The following PLEKHD1 variants were observed in gnomAD, a reference collection of about 807,000 sequenced individuals.
The protein encoded by PLEKHD1 is pleckstrin homology and coiled-coil domain containing D1.
PLEKHD1 carries 51 observed loss-of-function variants against 69.2 expected under a neutral mutation model. The ratio of observed to expected loss-of-function variants is 0.74; its 90% CI spans 0.59 to 0.93. The LOEUF is 0.93. Among genes scored for constraint, PLEKHD1 ranks in the 40% least tolerant of loss-of-function variants. PLEKHD1 has a pLI of 0.00. For missense variants in PLEKHD1, 584 were observed against 641.0 expected (o/e 0.91, Z 0.96); for synonymous variants, 236 against 244.7 (o/e 0.96, Z 0.33).
Position 69,528,667 on chromosome 14 carries a change from G to C in PLEKHD1, c.*248G>C. 1 of 554,758 alleles carries C rather than the reference G, an allele frequency of 1.8e-6. No individual in the cohort carries two copies. Among genetic ancestry groups the C allele is most frequent in the Non-Finnish European group, 3.2e-6 (1 of 313,160 alleles). 34.4% of individuals were successfully genotyped at this position (554,758 alleles called of 1,614,324 possible). On this transcript the variant is annotated 3_prime_UTR_variant, in exon 13 of 13. Coordinates refer to ENST00000322564, the MANE Select transcript of PLEKHD1 (RefSeq NM_001161498.2). ...CCATGCAGGCCTGAGCTGGGTGCTG[G>C]TTGTCATGGTGAGGTGAGGACAGGA...
the PLEKHD1 span, among the ~76,000 whole-genome samples, chr14:69,479,502 T>A: frequency 6.6e-6 from 1 of 151,962 alleles, no homozygotes; most frequent in Non-Finnish European, 1.5e-5. Flanking sequence ...TATTGCACAG[T>A]CCTAGTGAGA....
upstream of PLEKHD1, among the ~76,000 whole-genome samples, chr14:69,481,934 G>T (rs976142727): frequency 6.6e-6 from 1 of 152,152 alleles, no homozygotes; most frequent in Admixed American, 6.5e-5. Context: ...ACTCAGCCAG[G>T]ATTTCAGCAC....
At chr14:69,474,565 T>A in the PLEKHD1 span, among the ~76,000 whole-genome samples, 1 of 152,236 alleles carries the variant, frequency 6.6e-6, no homozygotes, top group Non-Finnish European at 1.5e-5. Context: ...TTGTATTAAT[T>A]TATGGCTTAT....
At chr14:69,502,917 T>C (rs1475568147) in intron 6 of PLEKHD1, 38 bp downstream of exon 6, 13 of 1,549,634 alleles carry the variant, frequency 8.4e-6, no homozygotes, top group Non-Finnish European at 1.0e-5. Flanking sequence ...AGCCGTGGTG[T>C]AATGGCTCAC....
At chr14:69,496,988 C>T (rs1011659182) in intron 1 of PLEKHD1, among the ~76,000 whole-genome samples, 25 of 152,182 alleles carry the variant, frequency 1.6e-4, no homozygotes, top group African/African-American at 5.3e-4. Context: ...AACATATGAA[C>T]GTTGAGGAGA....
rs1422705445 is a variant in PLEKHD1, at chr14:69,501,714, C to A, written c.411-20C>A. 6.5e-7 allele frequency: 1 copy of A among 1,527,356 alleles called. No homozygotes were observed. Among genetic ancestry groups the A allele is most frequent in the Non-Finnish European group, 8.9e-7 (1 of 1,126,458 alleles). The allele number at this position is 1,527,356 out of a possible 1,614,324, so 94.6% of individuals were successfully genotyped here. Reference sequence around the variant, plus strand: ...TTTCTTCCTCTTCTCTCCTCTGTCCCATCTGCCCTCCCTCCCCAGGACCTG... The same window carrying A: ...TTTCTTCCTCTTCTCTCCTCTGTCCAATCTGCCCTCCCTCCCCAGGACCTG... On this transcript the variant is annotated intron_variant, in intron 4 of 12. Transcript: ENST00000322564.
At chr14:69,526,425 A>C (rs1048887159) in intron 9 of PLEKHD1, among the ~76,000 whole-genome samples, 1 of 152,106 alleles carries the variant, frequency 6.6e-6, no homozygotes, top group Non-Finnish European at 1.5e-5. Context: ...GAGGAAATGG[A>C]GCCTCAGGGG....
rs559362410 is a variant in PLEKHD1 at position 69,525,498 on chromosome 14, T to A, written c.745-446T>A. Among the ~76,000 whole-genome samples the A allele has an allele frequency of 3.3e-5, 5 of 152,066 alleles. No individual in the cohort carries two copies. The East Asian group carries it at 9.7e-4, about 29-fold the overall frequency. ...TTTTGGAGGTGGGGTGGGGGGTGGTTTGGGGACAGGTTCTAGCTGTGTTGC... is the reference window on the plus strand; with the variant it reads ...TTTTGGAGGTGGGGTGGGGGGTGGTATGGGGACAGGTTCTAGCTGTGTTGC... On this transcript the variant is annotated intron_variant, in intron 8 of 12. Coordinates refer to ENST00000322564, the MANE Select transcript of PLEKHD1 (RefSeq NM_001161498.2).
the PLEKHD1 span, among the ~76,000 whole-genome samples, chr14:69,477,268 A>C: frequency 6.6e-6 from 1 of 152,098 alleles, no homozygotes; most frequent in South Asian, 2.1e-4. Flanking sequence ...CTTATTCACT[A>C]TCACGAGAAC....
Position 69,530,801 on chromosome 14 carries a change from T to C in PLEKHD1, c.*2382T>C, listed in dbSNP as rs1883773740. On this transcript the variant is annotated 3_prime_UTR_variant, in exon 13 of 13. Transcript: ENST00000322564. ...AGAGCAAGAGGGGCCAAACTTATTC[T>C]TTTATAACAAACCCACCCCCTCGAT... 6.6e-6 allele frequency: 1 copy of C among 152,236 alleles called. No individual in the cohort carries two copies. The highest frequency in any genetic ancestry group is 1.5e-5 in the Non-Finnish European group (1 of 68,048). 9.4% of individuals were successfully genotyped at this position (152,236 alleles called of 1,614,324 possible).
intron 6 of PLEKHD1, among the ~76,000 whole-genome samples, chr14:69,520,269 A>G (rs1883483772): frequency 6.6e-6 from 1 of 151,628 alleles, no homozygotes; most frequent in Admixed American, 6.6e-5. Flanking sequence ...CCAGGCCTCT[A>G]AACGGCTCTG....
chr14:69,517,776 T>A lies in PLEKHD1; in HGVS notation c.556-4507T>A, dbSNP rs147272870. ...CCTTCTGCCTGGAATGCTCCTTCTT[T>A]TTCCTTCTATTGATTCATCTTCATC... is the stretch of plus-strand genomic sequence containing the variant. On this transcript the variant is annotated intron_variant, in intron 6 of 12. Transcript: ENST00000322564. Among the ~76,000 whole-genome samples the A allele has an allele frequency of 3.6e-3, 546 of 152,158 alleles. 1 individual carries two copies. The highest frequency in any genetic ancestry group is 0.012 in the African/African-American group (511 of 41,516).
chr14:69,518,467 T>C (rs899952385), intron 6 of PLEKHD1, among the ~76,000 whole-genome samples: 4 of 152,198 alleles, frequency 2.6e-5, no homozygotes, highest in African/African-American at 7.2e-5. Flanking sequence ...ACAATAAATA[T>C]GTGTAGCATG....
chr14:69,509,416 A>G (rs1006683165), intron 6 of PLEKHD1, among the ~76,000 whole-genome samples: 10 of 152,200 alleles, frequency 6.6e-5, no homozygotes, highest in Non-Finnish European at 1.3e-4. Context: ...GTTATGTCTT[A>G]AAAAGTCAGT....
At position 69,528,429 on chromosome 14, in the gene PLEKHD1, C is replaced by T. The variant is rs987565447; in HGVS notation, c.*10C>T. On this transcript the variant is annotated 3_prime_UTR_variant, in exon 13 of 13. Transcript: ENST00000322564. ...CCGGGGTGGAAAGTGATGGGCGCTC[C>T]TCCCCTGCTTCCCAAGTCTCCCCTG... 8 of 1,549,040 alleles carry T rather than the reference C, an allele frequency of 5.2e-6. No homozygotes were observed. The African/African-American group carries it at 1.1e-4, about 21-fold the overall frequency.
chr14:69,522,193 C>T (rs1007598958), intron 6 of PLEKHD1, 90 bp from the exon 7 acceptor site: 1 of 1,244,134 alleles, frequency 8.0e-7, no homozygotes, highest in Non-Finnish European at 1.1e-6. Context: ...GTGCTAAATC[C>T]CAGAGGGTCC....
intron 6 of PLEKHD1, among the ~76,000 whole-genome samples, chr14:69,509,262 C>T (rs1490085816): frequency 2.0e-5 from 3 of 152,044 alleles, no homozygotes; most frequent in East Asian, 1.9e-4. Context: ...GCATAACAGT[C>T]CTTTATTAGA....
In PLEKHD1 at chr14:69,515,880, G is replaced by C. The variant is rs535635216; in HGVS notation, c.556-6403G>C. Among the ~76,000 whole-genome samples the C allele has an allele frequency of 5.3e-5, 8 of 152,254 alleles. No individual in the cohort carries two copies. In the South Asian group the frequency reaches 1.5e-3, roughly 28 times the overall value. On this transcript the variant is annotated intron_variant, in intron 6 of 12. Coordinates refer to ENST00000322564, the MANE Select transcript of PLEKHD1 (RefSeq NM_001161498.2). ...GGGATTACATTTCAACATGAGATTCGGGCAGGAACAAATATCCAAGCTATA... is the reference window on the plus strand; with the variant it reads ...GGGATTACATTTCAACATGAGATTCCGGCAGGAACAAATATCCAAGCTATA...
At chr14:69,512,887 C>A (rs1314524429) in intron 6 of PLEKHD1, among the ~76,000 whole-genome samples, 1 of 149,592 alleles carries the variant, frequency 6.7e-6, no homozygotes, top group East Asian at 2.0e-4. Context: ...CACAGCAAGG[C>A]CCAGTCTCTA....
Sources: gnomAD v4.1 joint callset for allele counts (sites outside exome capture counted in the v4.1 genomes callset) on GRCh38, gnomAD v4.1.1 for gene constraint, MANE v1.5 for transcripts, NCBI Gene and HGNC (gene_info 2026-07-23, HGNC 2026-07-21) for gene names.